The following KLRG1 variants were observed in gnomAD, a reference collection of about 807,000 sequenced individuals.
The protein encoded by KLRG1 is killer cell lectin-like receptor subfamily G member 1.
In KLRG1, 16 loss-of-function variants were observed where a neutral mutation model predicts 21.8. The observed-to-expected ratio is 0.73, with a 90% CI of 0.50 to 1.11. KLRG1 has a LOEUF of 1.11. Ranked by LOEUF, KLRG1 falls within the 50% of genes most tolerant of loss-of-function variation. The pLI, the probability that KLRG1 is intolerant of heterozygous loss-of-function variation, is 0.00. For synonymous variants in KLRG1, 69 were observed against 75.9 expected (o/e 0.91, Z 0.47); for missense variants, 173 against 218.3 (o/e 0.79, Z 1.31).
the KLRG1 span, chr12:9,072,844 A>G: frequency 6.2e-7 from 1 of 1,614,030 alleles, no homozygotes; most frequent in South Asian, 1.1e-5. Flanking sequence ...CCATATTTGG[A>G]CAGAGCATGG....
At chr12:9,035,131 C>T in the KLRG1 span, among the ~76,000 whole-genome samples, 3 of 152,090 alleles carry the variant, frequency 2.0e-5, no homozygotes, top group African/African-American at 7.2e-5. Flanking sequence ...GCTGTGCGTT[C>T]ATACAAAAAA....
At chr12:9,002,750 A>C (rs1947342063) in intron 3 of KLRG1, among the ~76,000 whole-genome samples, 1 of 151,884 alleles carries the variant, frequency 6.6e-6, no homozygotes, top group South Asian at 2.1e-4. Flanking sequence ...TATTTTTTGT[A>C]TTAATGGAGT....
chr12:8,968,324 G>A (rs1423335268), intron 1 of KLRG1, among the ~76,000 whole-genome samples: 1 of 152,078 alleles, frequency 6.6e-6, no homozygotes, highest in Non-Finnish European at 1.5e-5. Flanking sequence ...AGACAAAGTA[G>A]ATTTCAGAAC....
chr12:9,210,891 C>T, the KLRG1 span, among the ~76,000 whole-genome samples: 1 of 152,142 alleles, frequency 6.6e-6, no homozygotes, highest in Non-Finnish European at 1.5e-5. Flanking sequence ...TTTCCACTCT[C>T]CTAATGATAA....
At chr12:8,954,437 C>T (rs1592230939) in intron 1 of KLRG1, among the ~76,000 whole-genome samples, 1 of 148,268 alleles carries the variant, frequency 6.7e-6, no homozygotes, top group Non-Finnish European at 1.5e-5. Flanking sequence ...AAAAAAATAA[C>T]TACATGAGAT....
the KLRG1 span, chr12:9,028,141 G>T: frequency 3.5e-5 from 22 of 628,522 alleles, no homozygotes; most frequent in South Asian, 8.8e-5. Flanking sequence ...CAGTGTCGTC[G>T]TCTTCTTCTT....
chr12:9,030,984 G>A, the KLRG1 span, among the ~76,000 whole-genome samples: 1 of 152,218 alleles, frequency 6.6e-6, no homozygotes, highest in Non-Finnish European at 1.5e-5. Context: ...CCCGGCAGGG[G>A]GTAGTGAGAG....
chr12:9,057,808 T>A, the KLRG1 span: 1 of 152,298 alleles, frequency 6.6e-6, no homozygotes, highest in Non-Finnish European at 1.5e-5. Context: ...TGAAAGATAA[T>A]TTTTTAGTGG....
the KLRG1 span, chr12:9,165,208 G>A: frequency 1.9e-6 from 3 of 1,614,198 alleles, no homozygotes; most frequent in Non-Finnish European, 2.5e-6. Flanking sequence ...GAATCACAGA[G>A]TAAGGCATTG....
chr12:8,954,648 G>A (rs1466009621), intron 1 of KLRG1, among the ~76,000 whole-genome samples: 3 of 152,084 alleles, frequency 2.0e-5, no homozygotes, highest in East Asian at 1.9e-4. Flanking sequence ...ATGTGATTAC[G>A]AGTTGTGTTT....
At chr12:9,019,060 C>T in the KLRG1 span, among the ~76,000 whole-genome samples, 12 of 152,172 alleles carry the variant, frequency 7.9e-5, no homozygotes, top group African/African-American at 2.2e-4. Context: ...ATAAGGAGCT[C>T]AAACAACTCA....
At chr12:9,065,665 G>A in the KLRG1 span, among the ~76,000 whole-genome samples, 1 of 152,204 alleles carries the variant, frequency 6.6e-6, no homozygotes, top group Non-Finnish European at 1.5e-5. Context: ...CTGGGTGGAA[G>A]GGGATGGGTC....
At chr12:9,210,950 A>T in the KLRG1 span, among the ~76,000 whole-genome samples, 1 of 152,168 alleles carries the variant, frequency 6.6e-6, no homozygotes, top group African/African-American at 2.4e-5. Context: ...ATGCTTTGAT[A>T]AATATCTTTT....
chr12:8,956,067 G>C (rs1946287446), intron 1 of KLRG1, among the ~76,000 whole-genome samples: 1 of 152,172 alleles, frequency 6.6e-6, no homozygotes, highest in African/African-American at 2.4e-5. Flanking sequence ...CTGTTCTGTT[G>C]CTGAATAAAC....
chr12:9,178,337 C>T, the KLRG1 span, among the ~76,000 whole-genome samples: 3 of 152,168 alleles, frequency 2.0e-5, no homozygotes. Flanking sequence ...CCACTCCCTG[C>T]CCCTTAGTCA....
chr12:9,055,413 T>C, the KLRG1 span, among the ~76,000 whole-genome samples: 3 of 152,236 alleles, frequency 2.0e-5, no homozygotes, highest in Admixed American at 6.5e-5. Context: ...TTACATTGCT[T>C]TGCATATTCT....
the KLRG1 span, chr12:9,089,840 T>C: frequency 9.6e-7 from 1 of 1,045,890 alleles, no homozygotes; most frequent in Non-Finnish European, 1.3e-6. Context: ...ATCCATATAT[T>C]ATTATATTAC....
At chr12:8,983,673 T>G (rs1946796763) in intron 1 of KLRG1, among the ~76,000 whole-genome samples, 1 of 152,170 alleles carries the variant, frequency 6.6e-6, no homozygotes, top group African/African-American at 2.4e-5. Flanking sequence ...AGTGGTGGGA[T>G]TACAGCCGTG....
At chr12:9,138,353 A>G in the KLRG1 span, among the ~76,000 whole-genome samples, 1 of 152,058 alleles carries the variant, frequency 6.6e-6, no homozygotes, top group African/African-American at 2.4e-5. Context: ...CTGGGAATAA[A>G]TACTACTTGG....
Sources: allele counts gnomAD v4.1 joint callset (sites outside exome capture counted in the v4.1 genomes callset), GRCh38; gene constraint gnomAD v4.1.1; transcripts MANE v1.5; gene names NCBI Gene and HGNC (gene_info 2026-07-23, HGNC 2026-07-21).